Variants in PGBD5 observed in about 807,000 individuals in gnomAD.
PGBD5 encodes the protein piggyBac transposable element-derived protein 5.
PGBD5 carries 14 observed loss-of-function variants against 47.9 expected under a neutral mutation model. The ratio of observed to expected loss-of-function variants is 0.29; its 90% CI spans 0.19 to 0.46. The LOEUF (loss-of-function observed/expected upper bound fraction) is 0.46, where lower values mean the gene tolerates loss of function less well. PGBD5 is among the 20% of genes least tolerant of loss of function. The pLI is 1.00. For synonymous variants in PGBD5, 316 were observed against 306.3 expected (o/e 1.03, Z -0.33); for missense variants, 635 against 716.0 (o/e 0.89, Z 1.29).
chr1:230,390,978 G>C (rs1240798405), intron 1 of PGBD5, among the ~76,000 whole-genome samples: 2 of 152,074 alleles, frequency 1.3e-5, no homozygotes, highest in African/African-American at 4.8e-5. Context: ...GAGCTCAAGT[G>C]ATCTGCCTGC....
At chr1:230,397,466 GT>G (rs1657014782) in intron 1 of PGBD5, among the ~76,000 whole-genome samples, 2 of 152,300 alleles carry the variant, frequency 1.3e-5, no homozygotes, top group East Asian at 1.9e-4. Flanking sequence ...CTAATTCCTA[GT>G]TTTTGACACA....
chr1:230,324,986 A>C (rs1307742456), intron 6 of PGBD5, among the ~76,000 whole-genome samples: 2 of 152,216 alleles, frequency 1.3e-5, no homozygotes, highest in African/African-American at 4.8e-5. Flanking sequence ...GGGGCAAGCG[A>C]TGCCAACGGC....
chr1:230,330,353 C>T (rs772769719), intron 5 of PGBD5, among the ~76,000 whole-genome samples: 3 of 152,180 alleles, frequency 2.0e-5, no homozygotes, highest in East Asian at 1.9e-4. Flanking sequence ...CCAGCACTTC[C>T]GCTTTTGGAT....
At chr1:230,366,677 G>C (rs575573618) in intron 1 of PGBD5, among the ~76,000 whole-genome samples, 5 of 152,256 alleles carry the variant, frequency 3.3e-5, no homozygotes, top group East Asian at 1.9e-4. Context: ...GTAAAATGAA[G>C]ACAGCCATGG....
At chr1:230,380,500 G>A (rs1281010651) in intron 1 of PGBD5, among the ~76,000 whole-genome samples, 4 of 152,138 alleles carry the variant, frequency 2.6e-5, no homozygotes, top group Admixed American at 6.6e-5. Context: ...CTACCGTCTT[G>A]GGCAGAACCA....
At chr1:230,376,801 TA>T (rs889133562) in intron 1 of PGBD5, among the ~76,000 whole-genome samples, 2 of 152,000 alleles carry the variant, frequency 1.3e-5, no homozygotes, top group Non-Finnish European at 2.9e-5. Context: ...TCTGGCTCTT[TA>T]AAAAAAACTA....
intron 4 of PGBD5, among the ~76,000 whole-genome samples, chr1:230,333,906 T>C (rs1044483917): frequency 5.9e-5 from 9 of 152,152 alleles, no homozygotes; most frequent in Non-Finnish European, 8.8e-5. Context: ...TTCATGGGCC[T>C]GCCCCACCCT....
intron 1 of PGBD5, among the ~76,000 whole-genome samples, chr1:230,378,224 C>T (rs929456539): frequency 2.6e-5 from 4 of 152,174 alleles, no homozygotes; most frequent in African/African-American, 9.7e-5. Flanking sequence ...CTGGCCTCTC[C>T]GGTAGACACA....
rs1302421057 is a variant in PGBD5, at chr1:230,314,568, G to A, written c.*8857C>T. ...AGAAATAAGAACCACATGACAAAATGCTTGAATTAAATCTTTTTTTTTTTT... is the reference window on the plus strand; with the variant it reads ...AGAAATAAGAACCACATGACAAAATACTTGAATTAAATCTTTTTTTTTTTT... On this transcript the variant is annotated 3_prime_UTR_variant, in exon 7 of 7. Transcript: ENST00000391860. 7.1e-6 allele frequency: 1 copy of A among 139,892 alleles called. No homozygotes were observed. Among genetic ancestry groups the A allele is most frequent in the African/African-American group, 2.6e-5 (1 of 38,088 alleles). 8.7% of individuals were successfully genotyped at this position (139,892 alleles called of 1,614,324 possible).
At chr1:230,356,794 G>T in intron 2 of PGBD5, 100 bp downstream of exon 2, 3 of 1,282,880 alleles carry the variant, frequency 2.3e-6, no homozygotes, top group Non-Finnish European at 3.2e-6. Context: ...CAGAGGGCAG[G>T]CAGGGCAGGA....
intron 1 of PGBD5, among the ~76,000 whole-genome samples, chr1:230,371,948 G>A (rs1667935538): frequency 1.3e-5 from 2 of 152,300 alleles, no homozygotes; most frequent in Middle Eastern, 3.4e-3. Flanking sequence ...AGAGGATGAG[G>A]AGGCTAGTTG....
chr1:230,352,781 A>G lies in PGBD5; in HGVS notation c.760-1689T>C, dbSNP rs188509451. 1.2e-3 allele frequency among the ~76,000 whole-genome samples: 188 copies of G among 152,280 alleles called. 1 individual carries two copies. Among genetic ancestry groups the G allele is most frequent in the African/African-American group, 4.3e-3 (179 of 41,572 alleles). On this transcript the variant is annotated intron_variant, in intron 2 of 6. Transcript: ENST00000391860. ...GCCCCATTTGGAACTATTCAAGTGC[A>G]ATGAACAAGTCCCCCACACAGTGGG... is the stretch of plus-strand genomic sequence containing the variant.
intron 1 of PGBD5, among the ~76,000 whole-genome samples, chr1:230,386,520 A>C (rs369406552): frequency 1.4e-4 from 21 of 152,302 alleles, no homozygotes; most frequent in African/African-American, 5.1e-4. Context: ...CACTCTTGTC[A>C]GTACTGGGAG....
At chr1:230,394,646 C>A (rs796431786) in intron 1 of PGBD5, among the ~76,000 whole-genome samples, 3 of 140,412 alleles carry the variant, frequency 2.1e-5, no homozygotes, top group Admixed American at 1.4e-4. Context: ...CCTCCACTCA[C>A]GCTCCTCCCA....
chr1:230,373,179 T>C (rs1046954936), intron 1 of PGBD5, among the ~76,000 whole-genome samples: 1 of 152,152 alleles, frequency 6.6e-6, no homozygotes, highest in Non-Finnish European at 1.5e-5. Context: ...CACAGGAGTA[T>C]CACTCAGGGT....
intron 3 of PGBD5, among the ~76,000 whole-genome samples, chr1:230,339,918 A>G (rs1667385074): frequency 6.6e-6 from 1 of 152,138 alleles, no homozygotes; most frequent in Non-Finnish European, 1.5e-5. Flanking sequence ...CAAGAGATCT[A>G]TGGTACCACA....
intron 1 of PGBD5, among the ~76,000 whole-genome samples, chr1:230,405,796 G>C (rs1657286121): frequency 6.6e-6 from 1 of 152,240 alleles, no homozygotes. Context: ...GTGAATAGTT[G>C]ATGCCTATTT....
intron 1 of PGBD5, among the ~76,000 whole-genome samples, chr1:230,409,138 C>T (rs952771758): frequency 2.6e-5 from 4 of 152,182 alleles, no homozygotes; most frequent in African/African-American, 9.7e-5. Context: ...TCAGGAAACA[C>T]AAGTCAAAAC....
At chr1:230,351,433 G>C (rs1667559248) in intron 2 of PGBD5, among the ~76,000 whole-genome samples, 1 of 152,090 alleles carries the variant, frequency 6.6e-6, no homozygotes, top group African/African-American at 2.4e-5. Flanking sequence ...CTCTGGCATG[G>C]GTCCTGTGTC....
Sources: gnomAD v4.1 joint callset for allele counts (sites outside exome capture counted in the v4.1 genomes callset) on GRCh38, gnomAD v4.1.1 for gene constraint, MANE v1.5 for transcripts, NCBI Gene and HGNC (gene_info 2026-07-23, HGNC 2026-07-21) for gene names.